The following SHISAL2B variants were observed in gnomAD, a reference collection of about 807,000 sequenced individuals.
SHISAL2B encodes the protein protein shisa-like-2B.
In SHISAL2B, 12 loss-of-function variants were observed where a neutral mutation model predicts 16.5. That is an observed-to-expected ratio of 0.73 (90% CI 0.47 to 1.18). The LOEUF (loss-of-function observed/expected upper bound fraction) is 1.18. Ranked by LOEUF, SHISAL2B falls within the 50% of genes most tolerant of loss-of-function variation. The pLI is 0.00. For missense variants in SHISAL2B, 183 were observed against 193.6 expected, an observed-to-expected ratio of 0.95 and a Z score of 0.33; for synonymous variants, 72 against 75.0, an observed-to-expected ratio of 0.96 and a Z score of 0.21.
At position 64,695,639 on chromosome 5, in the gene SHISAL2B, C is replaced by T. The variant is rs1197183805; in HGVS notation, c.324C>T (p.His108=). The T allele has an allele frequency of 2.0e-6, 3 of 1,534,198 alleles. No individual in the cohort carries two copies. The highest frequency in any genetic ancestry group is 4.0e-5 in the Admixed American group (2 of 50,368). Residue 108 remains histidine, a synonymous_variant, in exon 2 of 3, where the codon CAC becomes CAT. Coordinates refer to ENST00000389074, the MANE Select transcript of SHISAL2B (RefSeq NM_001164442.2). ...QRLDTGLKLQ[H]LEASSTQEGK... The stretch of plus-strand genomic sequence containing the variant: ...TAGACACTGGCCTTAAGCTTCAACA[C>T]TTAGAGGCTTCTTCCACTCAAGAAG...
At chr5:64,715,972 G>A (rs1343206517) in intron 2 of SHISAL2B, among the ~76,000 whole-genome samples, 1 of 152,070 alleles carries the variant, frequency 6.6e-6, no homozygotes, top group Non-Finnish European at 1.5e-5. Flanking sequence ...TGTTAAAGCG[G>A]AATTACAGGG....
At chr5:64,704,610 A>G (rs1409775085) in intron 2 of SHISAL2B, among the ~76,000 whole-genome samples, 5 of 152,212 alleles carry the variant, frequency 3.3e-5, no homozygotes, top group Non-Finnish European at 7.3e-5. Flanking sequence ...CTAATGAGAA[A>G]AATAAATTAA....
intron 2 of SHISAL2B, among the ~76,000 whole-genome samples, chr5:64,702,860 A>G (rs1412363691): frequency 6.6e-6 from 1 of 152,180 alleles, no homozygotes; most frequent in Non-Finnish European, 1.5e-5. Flanking sequence ...AAATGTCACT[A>G]GTCATAAACT....
chr5:64,707,171 G>A (rs6892263), intron 2 of SHISAL2B, among the ~76,000 whole-genome samples: 6,448 of 152,122 alleles, frequency 0.042, 383 homozygotes, highest in African/African-American at 0.13. Context: ...ATATAGGGCA[G>A]CAAGGATAAT....
At chr5:64,695,811 C>A in intron 2 of SHISAL2B, 147 bp downstream of exon 2, 1 of 548,942 alleles carries the variant, frequency 1.8e-6, no homozygotes, top group Non-Finnish European at 2.9e-6. Context: ...TTGAATCAGG[C>A]CGTTAATGAT....
At chr5:64,714,298 A>C (rs752614153) in intron 2 of SHISAL2B, among the ~76,000 whole-genome samples, 1,548 of 141,034 alleles carry the variant, frequency 0.011, 10 homozygotes, top group Middle Eastern at 0.021. Flanking sequence ...AATACCCTGC[A>C]GTGTGAGGTG....
chr5:64,700,716 T>C (rs899462081), intron 2 of SHISAL2B, among the ~76,000 whole-genome samples: 1 of 152,170 alleles, frequency 6.6e-6, no homozygotes, highest in African/African-American at 2.4e-5. Context: ...CCTGGCCCTT[T>C]TATATGCCAT....
In SHISAL2B at chr5:64,717,971, T is replaced by C. The variant is rs373253797; in HGVS notation, c.432T>C (p.Asp144=). The change falls in exon 3 of 3, where the codon GAT becomes GAC. Residue 144 remains aspartate, a synonymous_variant. Coordinates refer to ENST00000389074, the MANE Select transcript of SHISAL2B (RefSeq NM_001164442.2). The part of the protein sequence containing the change: ...ATNETYYEAD[D]IIQEKTMDAT... ...ATGAAACATACTATGAAGCTGATGA[T>C]ATAATTCAAGAAAAAACAATGGATG... The C allele has an allele frequency of 6.6e-7, 1 of 1,521,716 alleles. No individual in the cohort carries two copies. The highest frequency in any genetic ancestry group is 1.4e-5 in the African/African-American group (1 of 72,278). The allele number at this position is 1,521,716 out of a possible 1,614,324, so 94.3% of individuals were successfully genotyped here.
Position 64,717,964 on chromosome 5 carries a change from CTGA to C in SHISAL2B, c.430_432del (p.Asp144del). ...GCAACAAATGAAACATACTATGAAG[CTGA>C]TGATATAATTCAAGAAAAAACAATG... On this transcript the variant is annotated inframe_deletion, in exon 3 of 3. Coordinates refer to ENST00000389074, the MANE Select transcript of SHISAL2B (RefSeq NM_001164442.2). 6.6e-7 allele frequency: 1 copy of C among 1,522,160 alleles called. No individual in the cohort carries two copies. Among genetic ancestry groups the C allele is most frequent in the East Asian group, 2.5e-5 (1 of 40,286 alleles). 94.3% of individuals were successfully genotyped at this position (1,522,160 alleles called of 1,614,324 possible).
At chr5:64,697,541 G>C (rs1741756489) in intron 2 of SHISAL2B, among the ~76,000 whole-genome samples, 2 of 152,014 alleles carry the variant, frequency 1.3e-5, no homozygotes, top group Non-Finnish European at 2.9e-5. Context: ...AAACTGTTGT[G>C]AATATGAATT....
chr5:64,715,745 T>C (rs1354668814), intron 2 of SHISAL2B, among the ~76,000 whole-genome samples: 2 of 152,354 alleles, frequency 1.3e-5, no homozygotes, highest in African/African-American at 4.8e-5. Context: ...ATTCTTCTCA[T>C]TTGACATCGT....
chr5:64,708,862 T>TA (rs1202356017), intron 2 of SHISAL2B, among the ~76,000 whole-genome samples: 1 of 152,016 alleles, frequency 6.6e-6, no homozygotes, highest in East Asian at 1.9e-4. Context: ...AAGTAACTTA[T>TA]TTTACTACCA....
intron 2 of SHISAL2B, among the ~76,000 whole-genome samples, chr5:64,711,345 G>A (rs1056038454): frequency 5.3e-5 from 8 of 149,560 alleles, no homozygotes; most frequent in Non-Finnish European, 1.0e-4. Flanking sequence ...TACATTTATT[G>A]ATTTGCGTAT....
At chr5:64,697,988 G>A (rs144987386) in intron 2 of SHISAL2B, among the ~76,000 whole-genome samples, 5 of 152,298 alleles carry the variant, frequency 3.3e-5, no homozygotes, top group Non-Finnish European at 5.9e-5. Context: ...TCTTCCTGAA[G>A]TTCTGTTTGG....
At chr5:64,712,528 G>C (rs1421270070) in intron 2 of SHISAL2B, among the ~76,000 whole-genome samples, 1 of 150,876 alleles carries the variant, frequency 6.6e-6, no homozygotes, top group Non-Finnish European at 1.5e-5. Context: ...GATTTGGGGT[G>C]GAGAGTTCTG....
intron 2 of SHISAL2B, among the ~76,000 whole-genome samples, chr5:64,698,382 C>A (rs1305631370): frequency 6.6e-6 from 1 of 152,148 alleles, no homozygotes; most frequent in East Asian, 1.9e-4. Context: ...TTCATCATGA[C>A]CTGTGGGGAC....
intron 2 of SHISAL2B, among the ~76,000 whole-genome samples, chr5:64,701,102 T>C (rs1319333674): frequency 6.6e-6 from 1 of 152,184 alleles, no homozygotes; most frequent in Non-Finnish European, 1.5e-5. Context: ...TGTAGTACAA[T>C]GTAAATGCTC....
intron 2 of SHISAL2B, among the ~76,000 whole-genome samples, chr5:64,706,766 T>G (rs1741881360): frequency 6.6e-6 from 1 of 152,224 alleles, no homozygotes; most frequent in Non-Finnish European, 1.5e-5. Flanking sequence ...AAGTGGCTTA[T>G]GTATGTAAAT....
intron 2 of SHISAL2B, among the ~76,000 whole-genome samples, chr5:64,714,618 G>T (rs979998287): frequency 2.6e-4 from 39 of 152,180 alleles, no homozygotes; most frequent in Non-Finnish European, 5.1e-4. Flanking sequence ...CCTGGGCAAT[G>T]GTGGGCGCCC....
Sources: allele counts gnomAD v4.1 joint callset (sites outside exome capture counted in the v4.1 genomes callset), GRCh38; gene constraint gnomAD v4.1.1; transcripts MANE v1.5; gene names NCBI Gene and HGNC (gene_info 2026-07-23, HGNC 2026-07-21).